The following GRIN2A variants were observed in gnomAD, a reference collection of about 807,000 sequenced individuals.
GRIN2A encodes the protein glutamate receptor ionotropic, NMDA 2A.
A neutral mutation model predicts 113.4 loss-of-function variants in GRIN2A; 22 were observed. The observed-to-expected ratio is 0.19, with a 90% CI of 0.14 to 0.28. The LOEUF is 0.28. Among genes scored for constraint, GRIN2A ranks in the 10% least tolerant of loss-of-function variants. The pLI is 1.00. For synonymous variants in GRIN2A, 827 were observed against 738.4 expected, an observed-to-expected ratio of 1.12 and a Z score of -1.94; for missense variants, 1,502 against 1,887.0, an observed-to-expected ratio of 0.80 and a Z score of 3.78.
chr16:9,926,532 C>A (rs574372070), intron 3 of GRIN2A, among the ~76,000 whole-genome samples: 1 of 152,308 alleles, frequency 6.6e-6, no homozygotes, highest in South Asian at 2.1e-4. Context: ...ATGAAGATCT[C>A]TGGAGGTGAG....
chr16:9,929,801 C>T (rs1231444028), intron 3 of GRIN2A, among the ~76,000 whole-genome samples: 1 of 152,156 alleles, frequency 6.6e-6, no homozygotes, highest in Non-Finnish European at 1.5e-5. Context: ...TTTTGTTCGG[C>T]ATTCTGGTTC....
chr16:9,756,709 A>T lies in GRIN2A; in HGVS notation c.*6440T>A, dbSNP rs1015262645. The T allele has an allele frequency of 5.4e-6, 1 of 185,312 alleles. No individual in the cohort carries two copies. The highest frequency in any genetic ancestry group is 8.8e-5 in the East Asian group (1 of 11,392). 11.5% of individuals were successfully genotyped at this position (185,312 alleles called of 1,614,324 possible). On this transcript the variant is annotated 3_prime_UTR_variant, in exon 13 of 13. Transcript: ENST00000330684. ...ATGCCTAGAATATCGCCTACACTCA[A>T]TTTAGATATATTTTGATATTTTCAA...
intron 2 of GRIN2A, among the ~76,000 whole-genome samples, chr16:10,107,359 G>C (rs778847170): frequency 5.9e-5 from 9 of 152,200 alleles, no homozygotes; most frequent in Non-Finnish European, 1.2e-4. Flanking sequence ...GCAGTCCCCA[G>C]AGGACAATGT....
At chr16:9,895,676 C>A (rs2043791100) in intron 3 of GRIN2A, among the ~76,000 whole-genome samples, 1 of 152,198 alleles carries the variant, frequency 6.6e-6, no homozygotes. Flanking sequence ...ACAAAAACTA[C>A]CGACAAAGAC....
At chr16:10,123,117 G>A (rs1292484415) in intron 2 of GRIN2A, among the ~76,000 whole-genome samples, 1 of 152,094 alleles carries the variant, frequency 6.6e-6, no homozygotes, top group Non-Finnish European at 1.5e-5. Context: ...AGGGAGATGG[G>A]GCCGATCTCT....
chr16:10,055,421 C>G (rs12447502), intron 2 of GRIN2A, among the ~76,000 whole-genome samples: 83,464 of 152,012 alleles, frequency 0.55, 23,620 homozygotes, highest in East Asian at 0.88. Flanking sequence ...AAATATTCCA[C>G]CATTGATAAA....
intron 3 of GRIN2A, among the ~76,000 whole-genome samples, chr16:9,896,671 C>T (rs1396553108): frequency 6.6e-6 from 1 of 152,100 alleles, no homozygotes; most frequent in Non-Finnish European, 1.5e-5. Context: ...TCTTCAGTCC[C>T]TTGGGAGGGG....
intron 4 of GRIN2A, among the ~76,000 whole-genome samples, chr16:9,876,941 A>G (rs1190548645): frequency 6.6e-6 from 1 of 152,210 alleles, no homozygotes; most frequent in Admixed American, 6.5e-5. Flanking sequence ...TTAAGTCCAC[A>G]CAAAAGCCTA....
Position 9,794,386 on chromosome 16 carries a change from G to C in GRIN2A, c.2356+3891C>G, listed in dbSNP as rs772590603. Among the ~76,000 whole-genome samples, 102 of 152,334 alleles carry C rather than the reference G, an allele frequency of 6.7e-4. 2 individuals carry two copies. The highest frequency in any genetic ancestry group is 2.4e-4 in the Non-Finnish European group (16 of 68,024). On this transcript the variant is annotated intron_variant, in intron 11 of 12. Transcript: ENST00000330684. ...AACAAGAGATAAACACTCCATTCTA[G>C]AGGATGAATAATTAGGTACTGCTCA...
At chr16:9,817,331 A>C (rs1029549998) in intron 10 of GRIN2A, among the ~76,000 whole-genome samples, 6 of 152,150 alleles carry the variant, frequency 3.9e-5, no homozygotes, top group Admixed American at 2.0e-4. Context: ...TGCTTATTAT[A>C]ATAAAGATTC....
At chr16:9,771,779 T>A (rs1455474892) in intron 11 of GRIN2A, among the ~76,000 whole-genome samples, 1 of 152,212 alleles carries the variant, frequency 6.6e-6, no homozygotes, top group Non-Finnish European at 1.5e-5. Flanking sequence ...GTTCCAGGAA[T>A]TTTCAATGTA....
Position 9,762,322 on chromosome 16 carries a change from C to T in GRIN2A, c.*827G>A, listed in dbSNP as rs1900620982. 4.4e-6 allele frequency: 1 copy of T among 226,282 alleles called. No individual in the cohort carries two copies. Among genetic ancestry groups the T allele is most frequent in the Non-Finnish European group, 8.8e-6 (1 of 113,518 alleles). 14.0% of individuals were successfully genotyped at this position (226,282 alleles called of 1,614,324 possible). ...ATAAACTACAATGGCCACTGTGTCA[C>T]AGACAGAAGATCCACACTTAGATCT... On this transcript the variant is annotated 3_prime_UTR_variant, in exon 13 of 13. Coordinates refer to ENST00000330684, the MANE Select transcript of GRIN2A (RefSeq NM_001134407.3).
At chr16:10,104,333 G>C (rs1459665935) in intron 2 of GRIN2A, among the ~76,000 whole-genome samples, 2 of 152,184 alleles carry the variant, frequency 1.3e-5, no homozygotes, top group Admixed American at 6.5e-5. Context: ...CACAGGGCGA[G>C]GGGTGTGAGG....
intron 2 of GRIN2A, among the ~76,000 whole-genome samples, chr16:10,009,786 G>A (rs1362105826): frequency 6.6e-6 from 1 of 151,998 alleles, no homozygotes; most frequent in Non-Finnish European, 1.5e-5. Context: ...GGTCTTTCCT[G>A]CAGTAAATGA....
chr16:9,869,301 T>C (rs1222161333), intron 4 of GRIN2A, among the ~76,000 whole-genome samples: 1 of 152,042 alleles, frequency 6.6e-6, no homozygotes, highest in Non-Finnish European at 1.5e-5. Context: ...AGTGTGGTGG[T>C]ACATGCCTGT....
At chr16:9,801,640 A>G (rs1404046372) in intron 10 of GRIN2A, among the ~76,000 whole-genome samples, 1 of 152,256 alleles carries the variant, frequency 6.6e-6, no homozygotes, top group African/African-American at 2.4e-5. Flanking sequence ...GAATAAAGGA[A>G]GTTTTCTTTG....
At chr16:10,118,812 G>A (rs940332494) in intron 2 of GRIN2A, among the ~76,000 whole-genome samples, 27 of 152,192 alleles carry the variant, frequency 1.8e-4, no homozygotes, top group African/African-American at 5.1e-4. Flanking sequence ...TAGCCAAGAT[G>A]AGCCATTCAA....
chr16:9,833,349 A>G (rs1032157312), intron 8 of GRIN2A, among the ~76,000 whole-genome samples: 1 of 152,246 alleles, frequency 6.6e-6, no homozygotes, highest in African/African-American at 2.4e-5. Flanking sequence ...ATGGGGAAAT[A>G]TATCACTTCA....
intron 2 of GRIN2A, among the ~76,000 whole-genome samples, chr16:10,013,044 T>C (rs2046538358): frequency 6.6e-6 from 1 of 152,192 alleles, no homozygotes; most frequent in Non-Finnish European, 1.5e-5. Context: ...AGATAACTTT[T>C]GAGTACTGAG....
Sources: allele counts gnomAD v4.1 joint callset (sites outside exome capture counted in the v4.1 genomes callset), GRCh38; gene constraint gnomAD v4.1.1; transcripts MANE v1.5; gene names NCBI Gene and HGNC (gene_info 2026-07-23, HGNC 2026-07-21).